Variants in CLEC4E observed in about 807,000 individuals in gnomAD.
CLEC4E encodes the protein C-type (calcium dependent, carbohydrate-recognition domain) lectin, superfamily member 9.
In CLEC4E, 21 loss-of-function variants were observed where a neutral mutation model predicts 24.7. The ratio of observed to expected loss-of-function variants is 0.85; its 90% CI spans 0.60 to 1.22. The LOEUF (loss-of-function observed/expected upper bound fraction) is 1.22. Among genes scored for constraint, CLEC4E ranks in the 50% most tolerant of loss-of-function variants. The pLI is 0.00. For missense variants in CLEC4E, 249 were observed against 254.1 expected (o/e 0.98, Z 0.14); for synonymous variants, 94 against 85.7 (o/e 1.10, Z -0.54).
In CLEC4E at chr12:8,535,568, A is replaced by G. The variant is rs765981163; in HGVS notation, c.488+522T>C. 1.7e-4 allele frequency among the ~76,000 whole-genome samples: 21 copies of G among 123,476 alleles called. 1 individual carries two copies. The highest frequency in any genetic ancestry group is 8.7e-4 in the Admixed American group (11 of 12,654). The allele number at this position is 123,476 out of a possible 152,430, so 81.0% of individuals were successfully genotyped here. On this transcript the variant is annotated intron_variant, in intron 5 of 5. Coordinates refer to ENST00000299663, the MANE Select transcript of CLEC4E (RefSeq NM_014358.4). ...CACATGTACCCTGGAACTTAAAATA[A>G]AAGTTGAAGAAAAGAAAAAAGAAAA... is the stretch of plus-strand genomic sequence containing the variant.
In CLEC4E at chr12:8,539,793, G is replaced by A; in HGVS notation, c.130+62C>T. On this transcript the variant is annotated intron_variant, in intron 2 of 5. Transcript: ENST00000299663. ...GCAAAGAGAGTCTACAGGCAGCATG[G>A]AAGAGTTTTCTCCTAATATGCACCA... is the stretch of plus-strand genomic sequence containing the variant. 19 of 1,047,580 alleles carry A rather than the reference G, an allele frequency of 1.8e-5. No homozygotes were observed. The South Asian group carries it at 2.4e-4, about 13-fold the overall frequency. 64.9% of individuals were successfully genotyped at this position (1,047,580 alleles called of 1,614,324 possible). A position where few individuals can be genotyped will look rare whatever the true frequency, so the allele number is the denominator to read the frequency against.
chr12:8,537,706 G>A (rs1307970824), intron 3 of CLEC4E, among the ~76,000 whole-genome samples: 1 of 152,178 alleles, frequency 6.6e-6, no homozygotes, highest in Non-Finnish European at 1.5e-5. Flanking sequence ...AAGCCACCCA[G>A]GCGCTGAGGC....
chr12:8,537,878 C>G (rs932199992), intron 3 of CLEC4E, among the ~76,000 whole-genome samples: 7 of 152,220 alleles, frequency 4.6e-5, no homozygotes, highest in Non-Finnish European at 5.9e-5. Flanking sequence ...GCTCTATAAT[C>G]ATAGCCAAGG....
rs771202534 is a variant in CLEC4E at position 8,537,223 on chromosome 12, T to C, written c.264A>G (p.Gln88=). The C allele has an allele frequency of 7.4e-6, 12 of 1,613,640 alleles. No individual in the cohort carries two copies. Among genetic ancestry groups the C allele is most frequent in the Middle Eastern group, 3.3e-4 (2 of 6,082 alleles). ...CAGTAGAAAAGAAGTAGCAGCTGGA[T>C]TGAAAATATTCCCAGTTCAATGGAC... ...NCCPLNWEYF[Q]SSCYFFSTDT... The change falls in exon 4 of 6, where the codon CAA becomes CAG. Residue 88 remains glutamine, a synonymous_variant. Coordinates refer to ENST00000299663, the MANE Select transcript of CLEC4E (RefSeq NM_014358.4).
At chr12:8,539,194 G>T in intron 3 of CLEC4E, 23 bp downstream of exon 3, 2 of 1,502,658 alleles carry the variant, frequency 1.3e-6, no homozygotes, top group Non-Finnish European at 1.8e-6. Flanking sequence ...AAATTTTGAT[G>T]TTCACCTTTG....
rs996815513 is a variant in CLEC4E, at chr12:8,536,338, C to A, written c.373-133G>T. ...TGGGAGGCCGAGGCGGGTGGATCAC[C>A]TGAGGTCAGGAGTTCAAGACCAGCT... On this transcript the variant is annotated intron_variant, in intron 4 of 5. Transcript: ENST00000299663. The A allele has an allele frequency of 6.1e-6, 3 of 493,932 alleles. No individual in the cohort carries two copies. The Admixed American group carries it at 8.9e-5, about 15-fold the overall frequency. 30.6% of individuals were successfully genotyped at this position (493,932 alleles called of 1,614,324 possible).
rs1218003487 is a variant in CLEC4E, at chr12:8,534,663, G to T, written c.635C>A (p.Pro212His). 10 of 1,613,232 alleles carry T rather than the reference G, an allele frequency of 6.2e-6. No individual in the cohort carries two copies. Among genetic ancestry groups the T allele is most frequent in the Admixed American group, 3.3e-5 (2 of 59,920 alleles). The change falls in exon 6 of 6, where the codon CCT (proline) becomes CAT (histidine). Residue 212 changes from proline (P) to histidine (H), a missense_variant. Coordinates refer to ENST00000299663, the MANE Select transcript of CLEC4E (RefSeq NM_014358.4). The stretch of plus-strand genomic sequence containing the variant: ...TTAAAGAGATTTTCCTTTGTTCAAA[G>T]GATTTATTCCTACCATTTCACAAAT... ...FRICEMVGINPLNKGKSL is the reference protein window; with the variant it reads ...FRICEMVGINHLNKGKSL
Position 8,539,932 on chromosome 12 carries a change from G to A in CLEC4E, c.53C>T (p.Ser18Phe), listed in dbSNP as rs758873907. ...AACAGTCCATAAGAACATTTGGGAA[G>A]AGAAGCATCCTCTCTCTGTAGAAAG... ...ETQCTERGCF[S>F]SQMFLWTVAG... is the part of the protein sequence containing the mutation. The change falls in exon 2 of 6, where the codon TCT becomes TTT. Residue 18 changes from serine (S) to phenylalanine (F), a missense_variant. Transcript: ENST00000299663. The A allele has an allele frequency of 3.1e-6, 5 of 1,605,374 alleles. No individual in the cohort carries two copies. Among genetic ancestry groups the A allele is most frequent in the South Asian group, 1.1e-5 (1 of 90,932 alleles).
chr12:8,540,527 A>G (rs1276481358), intron 1 of CLEC4E, among the ~76,000 whole-genome samples: 1 of 152,162 alleles, frequency 6.6e-6, no homozygotes, highest in Non-Finnish European at 1.5e-5. Flanking sequence ...ACTTGCCAAA[A>G]GGGACACAAT....
At chr12:8,534,902 C>T in intron 5 of CLEC4E, 93 bp from the exon 6 acceptor site, 1 of 1,137,106 alleles carries the variant, frequency 8.8e-7, no homozygotes, top group Non-Finnish European at 1.2e-6. Flanking sequence ...GTTATTTAAC[C>T]TCACAACAAT....
Position 8,534,820 on chromosome 12 carries a change from A to G in CLEC4E, c.489-11T>C, listed in dbSNP as rs1215604654. The G allele has an allele frequency of 1.9e-6, 3 of 1,609,840 alleles. No individual in the cohort carries two copies. Among genetic ancestry groups the G allele is most frequent in the Middle Eastern group, 1.6e-4 (1 of 6,062 alleles). ...CCTACATCCCAGAAGCTGAAAAAGA[A>G]TGACATAGGAGACTTAAAATCCCAG... On this transcript the variant is annotated splice_polypyrimidine_tract_variant and intron_variant, in intron 5 of 5. Transcript: ENST00000299663.
chr12:8,533,699 G>T lies in CLEC4E; in HGVS notation c.*939C>A, dbSNP rs1940574823. 1 of 152,184 alleles carries T rather than the reference G, an allele frequency of 6.6e-6. No individual in the cohort carries two copies. The highest frequency in any genetic ancestry group is 2.1e-4 in the South Asian group (1 of 4,832). The allele number at this position is 152,184 out of a possible 1,614,324, so 9.4% of individuals were successfully genotyped here. ...AGACACTGGAGTCTACTTGAGGGCG[G>T]AAGGTAGGAGGAGGGAGAGGAGCCG... On this transcript the variant is annotated 3_prime_UTR_variant, in exon 6 of 6. Transcript: ENST00000299663.
chr12:8,540,842 TCTCC>T lies in CLEC4E; in HGVS notation c.-49_-46del, dbSNP rs1940692126. On this transcript the variant is annotated 5_prime_UTR_variant, in exon 1 of 6. Transcript: ENST00000299663. ...TTTTGTTTCTCTCTCTCTCTTTTTC[TCTCC>T]CTCCCTCTCTTTCTTTCTCCTCAGG... The T allele has an allele frequency of 4.9e-6, 6 of 1,233,360 alleles. No individual in the cohort carries two copies. The highest frequency in any genetic ancestry group is 1.5e-5 in the African/African-American group (1 of 67,388). The allele number at this position is 1,233,360 out of a possible 1,614,324, so 76.4% of individuals were successfully genotyped here.
chr12:8,537,069 G>C (rs1940625242), intron 4 of CLEC4E, 46 bp downstream of exon 4: 3 of 1,575,704 alleles, frequency 1.9e-6, no homozygotes, highest in Non-Finnish European at 8.7e-7. Flanking sequence ...AAAGAGAGGT[G>C]GACCATGTCG....
At chr12:8,538,543 C>T (rs1051684142) in intron 3 of CLEC4E, among the ~76,000 whole-genome samples, 24 of 152,084 alleles carry the variant, frequency 1.6e-4, no homozygotes, top group Middle Eastern at 6.3e-3. Context: ...GCCAGACATT[C>T]GGAGCCACTA....
At chr12:8,535,115 A>G (rs371106734) in intron 5 of CLEC4E, among the ~76,000 whole-genome samples, 5 of 152,262 alleles carry the variant, frequency 3.3e-5, no homozygotes, top group African/African-American at 1.2e-4. Context: ...GGGAAGATTG[A>G]TATTCTGATA....
chr12:8,534,901 C>A, intron 5 of CLEC4E, 92 bp from the exon 6 acceptor site: 1 of 1,135,500 alleles, frequency 8.8e-7, no homozygotes. Context: ...TGTTATTTAA[C>A]CTCACAACAA....
At chr12:8,538,911 C>T (rs1430172552) in intron 3 of CLEC4E, 1 of 397,850 alleles carries the variant, frequency 2.5e-6, no homozygotes, top group Non-Finnish European at 4.4e-6. Context: ...CTACTCCATA[C>T]GTTTTTTCTC....
intron 5 of CLEC4E, among the ~76,000 whole-genome samples, chr12:8,535,250 CAT>C (rs2136396917): frequency 6.6e-6 from 1 of 152,328 alleles, no homozygotes; most frequent in East Asian, 1.9e-4. Context: ...GCATTTCTAA[CAT>C]GTCAGAGTAT....
Sources: allele counts gnomAD v4.1 joint callset (sites outside exome capture counted in the v4.1 genomes callset), GRCh38; gene constraint gnomAD v4.1.1; transcripts MANE v1.5; gene names NCBI Gene and HGNC (gene_info 2026-07-23, HGNC 2026-07-21).